SOAT1: variants seen among roughly 807,000 people sequenced by gnomAD.
The protein encoded by SOAT1 is sterol O-acyltransferase 1.
SOAT1 carries 55 observed loss-of-function variants against 69.5 expected under a neutral mutation model. The ratio of observed to expected loss-of-function variants is 0.79; its 90% CI spans 0.64 to 0.99. The LOEUF (loss-of-function observed/expected upper bound fraction) is 0.99. SOAT1 is among the 50% of genes least tolerant of loss of function. The pLI, the probability that SOAT1 is intolerant of heterozygous loss-of-function variation, is 0.00. For missense variants in SOAT1, 580 were observed against 669.3 expected (o/e 0.87, Z 1.47); for synonymous variants, 231 against 224.7 (o/e 1.03, Z -0.25).
intron 3 of SOAT1, among the ~76,000 whole-genome samples, chr1:179,324,545 C>A (rs1665712323): frequency 6.6e-6 from 1 of 152,192 alleles, no homozygotes; most frequent in Non-Finnish European, 1.5e-5. Flanking sequence ...ATTTACTGCA[C>A]TTGAAATTGT....
At chr1:179,307,145 A>G (rs2124941739) in intron 2 of SOAT1, among the ~76,000 whole-genome samples, 1 of 152,350 alleles carries the variant, frequency 6.6e-6, no homozygotes, top group East Asian at 1.9e-4. Flanking sequence ...GGCTGGTCAG[A>G]AATGATTGTA....
At chr1:179,334,339 A>T (rs1666072373) in intron 3 of SOAT1, among the ~76,000 whole-genome samples, 1 of 152,222 alleles carries the variant, frequency 6.6e-6, no homozygotes, top group South Asian at 2.1e-4. Context: ...TTGGTTATAG[A>T]TTATAGAAGT....
rs10670085 is a variant in SOAT1, at chr1:179,349,329, C to CTT, written c.1314+403_1314+404dup. Among the ~76,000 whole-genome samples, 465 of 125,884 alleles carry CTT rather than the reference C, an allele frequency of 3.7e-3. 29 individuals are homozygous for CTT. Among genetic ancestry groups the CTT allele is most frequent in the South Asian group, 0.011 (45 of 4,094 alleles). 82.6% of individuals were successfully genotyped at this position (125,884 alleles called of 152,430 possible). ...TTTCATGGTTAAAGGTAGAGAAACA[C>CTT]TTTTTTTTTTTTTTTTTGAGAGAGT... On this transcript the variant is annotated intron_variant, in intron 13 of 15. Transcript: ENST00000367619.
intron 12 of SOAT1, 42 bp downstream of exon 12, chr1:179,347,739 A>G (rs747900116): frequency 9.7e-6 from 11 of 1,128,750 alleles, no homozygotes; most frequent in Non-Finnish European, 1.3e-6. Flanking sequence ...ACATTTTATT[A>G]ACTTCTTCAT....
intron 1 of SOAT1, among the ~76,000 whole-genome samples, chr1:179,297,356 A>T (rs1664684119): frequency 6.6e-6 from 1 of 151,842 alleles, no homozygotes; most frequent in African/African-American, 2.4e-5. Flanking sequence ...TTCTTTTTTG[A>T]GACGGAGTCC....
intron 2 of SOAT1, among the ~76,000 whole-genome samples, chr1:179,306,830 C>CAGAAAAAAA (rs1553243339): frequency 1.0e-5 from 1 of 96,628 alleles, no homozygotes; most frequent in Non-Finnish European, 1.9e-5. Flanking sequence ...GACTCCATCT[C>CAGAAAAAAA]AAAAAAAAAA....
chr1:179,299,224 A>G (rs1341909820), intron 1 of SOAT1, among the ~76,000 whole-genome samples: 1 of 152,198 alleles, frequency 6.6e-6, no homozygotes, highest in Non-Finnish European at 1.5e-5. Flanking sequence ...AGAATCTGAT[A>G]GTCTTTGTTT....
chr1:179,343,939 G>T lies in SOAT1; in HGVS notation c.987+304G>T, dbSNP rs570897540. The stretch of plus-strand genomic sequence containing the variant: ...AGTTCAAGACCAGCCTGGCCAACAT[G>T]GTGAAACCCCATCTCTACTAAAAAT... On this transcript the variant is annotated intron_variant, in intron 10 of 15. Transcript: ENST00000367619. Among the ~76,000 whole-genome samples the T allele has an allele frequency of 3.3e-5, 5 of 152,206 alleles. No individual in the cohort carries two copies. The South Asian group carries it at 1.0e-3, about 32-fold the overall frequency.
chr1:179,323,048 T>TC (rs901939767), intron 2 of SOAT1, among the ~76,000 whole-genome samples: 8 of 148,374 alleles, frequency 5.4e-5, no homozygotes, highest in African/African-American at 7.5e-5. Flanking sequence ...TTTCTTTCTT[T>TC]TTTTTTTTTT....
In SOAT1 at chr1:179,357,810, C is replaced by G. The variant is rs977458576; in HGVS notation, c.*4169C>G. 1 of 152,224 alleles carries G rather than the reference C, an allele frequency of 6.6e-6. No homozygotes were observed. The highest frequency in any genetic ancestry group is 2.4e-5 in the African/African-American group (1 of 41,448). 9.4% of individuals were successfully genotyped at this position (152,224 alleles called of 1,614,324 possible). On this transcript the variant is annotated 3_prime_UTR_variant, in exon 16 of 16. Coordinates refer to ENST00000367619, the MANE Select transcript of SOAT1 (RefSeq NM_003101.6). ...TCAGTCGGCTGAGGTGGGAAGATGG[C>G]TTCAAGCCGGGAGATGGAGGCTTCA...
intron 10 of SOAT1, among the ~76,000 whole-genome samples, chr1:179,343,838 T>C (rs1270194094): frequency 1.3e-5 from 2 of 152,228 alleles, no homozygotes; most frequent in African/African-American, 4.8e-5. Flanking sequence ...AAAGAATATA[T>C]TAGGCTGGGC....
chr1:179,312,763 TTC>T (rs1394179078), intron 2 of SOAT1, among the ~76,000 whole-genome samples: 2 of 152,122 alleles, frequency 1.3e-5, no homozygotes, highest in Non-Finnish European at 2.9e-5. Context: ...CTCTAAAGAG[TTC>T]TCTCTGGGTT....
At chr1:179,306,399 C>G (rs755726201) in intron 2 of SOAT1, among the ~76,000 whole-genome samples, 4 of 152,044 alleles carry the variant, frequency 2.6e-5, no homozygotes, top group Non-Finnish European at 5.9e-5. Context: ...AAATAGCAAG[C>G]AGTAATTGGT....
intron 7 of SOAT1, among the ~76,000 whole-genome samples, chr1:179,341,536 C>CTTTT (rs774077684): frequency 6.5e-5 from 9 of 138,988 alleles, no homozygotes; most frequent in East Asian, 2.1e-4. Flanking sequence ...TTACGTTGAA[C>CTTTT]TTTTTTTTTT....
rs370657936 is a variant in SOAT1 at position 179,342,156 on chromosome 1, G to A, written c.823G>A (p.Val275Met). 65 of 1,613,118 alleles carry A rather than the reference G, an allele frequency of 4.0e-5. No individual in the cohort carries two copies. Among genetic ancestry groups the A allele is most frequent in the Non-Finnish European group, 4.7e-5 (55 of 1,179,490 alleles). Residue 275 changes from valine (V) to methionine (M), a missense_variant, in exon 8 of 16, where the codon GTG becomes ATG. Physicochemically the swap from Val to Met is conservative, Grantham distance 21. Coordinates refer to ENST00000367619, the MANE Select transcript of SOAT1 (RefSeq NM_003101.6). ...MKAHSFVREN[V>M]PRVLNSAKEK... is the part of the protein sequence containing the mutation. Reference sequence around the variant, plus strand: ...GGCCCACTCATTTGTCAGAGAGAACGTGCCTCGGGTACTAAATTCAGCTAA... The same window carrying A: ...GGCCCACTCATTTGTCAGAGAGAACATGCCTCGGGTACTAAATTCAGCTAA...
intron 1 of SOAT1, among the ~76,000 whole-genome samples, chr1:179,296,946 G>A (rs1379775722): frequency 2.0e-5 from 3 of 152,136 alleles, no homozygotes; most frequent in Non-Finnish European, 4.4e-5. Flanking sequence ...GCACAGATTA[G>A]ATTCTTAAGA....
chr1:179,332,851 A>C (rs887157797), intron 3 of SOAT1, among the ~76,000 whole-genome samples: 4 of 152,204 alleles, frequency 2.6e-5, no homozygotes, highest in African/African-American at 9.6e-5. Context: ...GGGAGTAACA[A>C]TAATAAGCAG....
intron 2 of SOAT1, among the ~76,000 whole-genome samples, chr1:179,315,285 A>G (rs1665351022): frequency 6.6e-6 from 1 of 152,088 alleles, no homozygotes; most frequent in Admixed American, 6.5e-5. Flanking sequence ...CCTTTACAAA[A>G]AAATTTTTTT....
chr1:179,302,617 G>A, intron 1 of SOAT1, 60 bp from the exon 2 acceptor site: 16 of 938,834 alleles, frequency 1.7e-5, no homozygotes, highest in Non-Finnish European at 2.5e-5. Context: ...CCAGTCTCAG[G>A]TAGTGTATAG....
Sources: gnomAD v4.1 joint callset for allele counts (sites outside exome capture counted in the v4.1 genomes callset) on GRCh38, gnomAD v4.1.1 for gene constraint, MANE v1.5 for transcripts, NCBI Gene and HGNC (gene_info 2026-07-23, HGNC 2026-07-21) for gene names.